The following GABRA2 variants were observed in gnomAD, a reference collection of about 807,000 sequenced individuals.
GABRA2 encodes gamma-aminobutyric acid receptor subunit alpha-2.
Under a neutral mutation model 48.7 loss-of-function variants are expected in GABRA2, and 16 were observed. The ratio of observed to expected loss-of-function variants is 0.33; its 90% CI spans 0.22 to 0.50. GABRA2 has a LOEUF of 0.50. GABRA2 is among the 20% of genes least tolerant of loss of function. The probability of loss-of-function intolerance (pLI) is 0.98; values close to 1 mark genes in which losing one functional copy is unlikely to be tolerated. For missense variants in GABRA2, 275 were observed against 535.6 expected (o/e 0.51, Z 4.80); for synonymous variants, 185 against 184.5 (o/e 1.00, Z -0.02).
At chr4:46,252,083 G>A (rs1714882833) in intron 9 of GABRA2, among the ~76,000 whole-genome samples, 1 of 151,376 alleles carries the variant, frequency 6.6e-6, no homozygotes, top group African/African-American at 2.4e-5. Context: ...TTTTAATTAA[G>A]AGCTCTCAAA....
At chr4:46,256,217 CA>C in intron 9 of GABRA2, 2 of 679,682 alleles carry the variant, frequency 2.9e-6, no homozygotes, top group Non-Finnish European at 5.4e-6. Context: ...GAAGGTTAAA[CA>C]GTCCATCCAC....
intron 3 of GABRA2, among the ~76,000 whole-genome samples, chr4:46,360,225 G>A (rs766020377): frequency 6.6e-6 from 1 of 152,190 alleles, no homozygotes; most frequent in African/African-American, 2.4e-5. Flanking sequence ...TTTAATTTTT[G>A]TATATCAATT....
Position 46,390,091 on chromosome 4 carries a change from G to A in GABRA2, c.-367C>T, listed in dbSNP as rs1440428573. 5.2e-6 allele frequency: 5 copies of A among 963,426 alleles called. No individual in the cohort carries two copies. Among genetic ancestry groups the A allele is most frequent in the South Asian group, 4.8e-5 (1 of 20,974 alleles). The allele number at this position is 963,426 out of a possible 1,614,324, so 59.7% of individuals were successfully genotyped here. The stretch of plus-strand genomic sequence containing the variant: ...ATTGGGGGGACGCGGGCGGAGGCGC[G>A]GTGCGCGCCGGCGGTGGCGGGCACG... On this transcript the variant is annotated 5_prime_UTR_variant, in exon 1 of 10. Coordinates refer to ENST00000381620, the MANE Select transcript of GABRA2 (RefSeq NM_000807.4).
rs115510602 is a variant in GABRA2, at chr4:46,375,303, G to A, written c.187+10771C>T. 9.0e-3 allele frequency among the ~76,000 whole-genome samples: 1,368 copies of A among 151,784 alleles called. 18 individuals are homozygous for A. Among genetic ancestry groups the A allele is most frequent in the African/African-American group, 0.032 (1,309 of 41,416 alleles). On this transcript the variant is annotated intron_variant, in intron 3 of 9. Transcript: ENST00000381620. Reference sequence around the variant, plus strand: ...TAAGATCTGTACCTCATGGGATGAGGGTATTTTAAGTTAAAAACAAAAATT... The same window carrying A: ...TAAGATCTGTACCTCATGGGATGAGAGTATTTTAAGTTAAAAACAAAAATT...
At chr4:46,346,598 TTTTA>T (rs1463357063) in intron 3 of GABRA2, among the ~76,000 whole-genome samples, 4 of 148,614 alleles carry the variant, frequency 2.7e-5, no homozygotes, top group African/African-American at 9.8e-5. Context: ...TATTTATTAT[TTTTA>T]TTTATTATAC....
intron 9 of GABRA2, among the ~76,000 whole-genome samples, chr4:46,256,931 G>C (rs1439846384): frequency 6.6e-6 from 1 of 151,488 alleles, no homozygotes; most frequent in African/African-American, 2.4e-5. Context: ...TTATTATCTA[G>C]TGTTTTCTAT....
chr4:46,298,178 T>C (rs529348855), intron 8 of GABRA2, among the ~76,000 whole-genome samples: 1 of 152,236 alleles, frequency 6.6e-6, no homozygotes, highest in South Asian at 2.1e-4. Flanking sequence ...AAATGTTTCA[T>C]GGTTCATTTG....
intron 8 of GABRA2, among the ~76,000 whole-genome samples, chr4:46,291,813 A>G (rs1310176093): frequency 6.6e-6 from 1 of 150,540 alleles, no homozygotes; most frequent in East Asian, 1.9e-4. Flanking sequence ...ATATGTGTAT[A>G]TATATATCAT....
rs553138109 is a variant in GABRA2, at chr4:46,340,509, C to T, written c.188-7827G>A. ...TATTCCAAATTTATAAAATTTTTGT[C>T]ATGAATGAGTGTTGGATTTTGTCAA... On this transcript the variant is annotated intron_variant, in intron 3 of 9. Coordinates refer to ENST00000381620, the MANE Select transcript of GABRA2 (RefSeq NM_000807.4). 3.3e-5 allele frequency among the ~76,000 whole-genome samples: 5 copies of T among 151,934 alleles called. No homozygotes were observed. In the South Asian group the frequency reaches 1.0e-3, roughly 31 times the overall value.
Position 46,386,150 on chromosome 4 carries a change from A to T in GABRA2, c.111T>A (p.Asn37Lys). ...GAATTCTCGTAAAGATGGTAATGTTATTTTTAGCCTCATCTTCTTGGATGT... is the reference window on the plus strand; with the variant it reads ...GAATTCTCGTAAAGATGGTAATGTTTTTTTTAGCCTCATCTTCTTGGATGT... ...LANIQEDEAK[N>K]NITIFTRILD... Residue 37 changes from asparagine to lysine, a missense_variant, in exon 3 of 10, where the codon AAT (asparagine) becomes AAA (lysine). Coordinates refer to ENST00000381620, the MANE Select transcript of GABRA2 (RefSeq NM_000807.4). The T allele has an allele frequency of 6.2e-7, 1 of 1,611,194 alleles. No homozygotes were observed. Among genetic ancestry groups the T allele is most frequent in the Non-Finnish European group, 8.5e-7 (1 of 1,178,996 alleles).
At chr4:46,261,791 T>G in intron 9 of GABRA2, 135 bp downstream of exon 9, 1 of 790,822 alleles carries the variant, frequency 1.3e-6, no homozygotes, top group South Asian at 1.6e-5. Context: ...CAAGAACACT[T>G]TAAAAGAAAT....
intron 3 of GABRA2, among the ~76,000 whole-genome samples, chr4:46,334,350 G>A (rs1424776134): frequency 6.6e-6 from 1 of 152,104 alleles, no homozygotes; most frequent in Non-Finnish European, 1.5e-5. Flanking sequence ...AGCAAGTGTG[G>A]AAATGAGACC....
intron 3 of GABRA2, among the ~76,000 whole-genome samples, chr4:46,340,182 AC>A (rs1732974991): frequency 6.6e-6 from 1 of 151,502 alleles, no homozygotes; most frequent in African/African-American, 2.4e-5. Context: ...GCACTCATTC[AC>A]CCCTACAGTC....
In GABRA2 at chr4:46,256,267, G is replaced by A. The variant is rs2109327489; in HGVS notation, c.1059+5659C>T. 1.4e-6 allele frequency: 1 copy of A among 696,358 alleles called. No homozygotes were observed. The highest frequency in any genetic ancestry group is 1.8e-5 in the African/African-American group (1 of 56,868). 43.1% of individuals were successfully genotyped at this position (696,358 alleles called of 1,614,324 possible). On this transcript the variant is annotated intron_variant, in intron 9 of 9. Coordinates refer to ENST00000381620, the MANE Select transcript of GABRA2 (RefSeq NM_000807.4). ...CTAAAGTCTTTTCTTGGAATAAACT[G>A]GGCCATGAGAAAGCTATATACTTGG...
chr4:46,288,899 A>T (rs1302757066), intron 8 of GABRA2, among the ~76,000 whole-genome samples: 1 of 151,026 alleles, frequency 6.6e-6, no homozygotes, highest in Non-Finnish European at 1.5e-5. Context: ...GACAAAAAAC[A>T]TGAACAGACA....
At chr4:46,305,025 G>A (rs1418080883) in intron 7 of GABRA2, among the ~76,000 whole-genome samples, 1 of 151,630 alleles carries the variant, frequency 6.6e-6, no homozygotes. Context: ...TTTTAGGCCA[G>A]TGTTTCTCAA....
intron 9 of GABRA2, among the ~76,000 whole-genome samples, chr4:46,252,009 C>A (rs924696639): frequency 6.6e-6 from 1 of 151,390 alleles, no homozygotes; most frequent in Non-Finnish European, 1.5e-5. Context: ...AAATAGTGAG[C>A]AGGGTGTAAA....
chr4:46,262,951 AAAGAAAGAGAG>A (rs1191533049), intron 8 of GABRA2, among the ~76,000 whole-genome samples: 1 of 98,158 alleles, frequency 1.0e-5, no homozygotes, highest in Non-Finnish European at 2.0e-5. Flanking sequence ...AGAAAGAAAG[AAAGAAAGAGAG>A]AGAGAGAGAG....
At chr4:46,263,985 C>A (rs1717585395) in intron 8 of GABRA2, among the ~76,000 whole-genome samples, 1 of 149,790 alleles carries the variant, frequency 6.7e-6, no homozygotes, top group East Asian at 2.0e-4. Flanking sequence ...TTATTTAGGG[C>A]TTCTTTAATT....
Sources: gnomAD v4.1 joint callset for allele counts (sites outside exome capture counted in the v4.1 genomes callset) on GRCh38, gnomAD v4.1.1 for gene constraint, MANE v1.5 for transcripts, NCBI Gene and HGNC (gene_info 2026-07-23, HGNC 2026-07-21) for gene names.